Variants in TNNI3K observed in about 807,000 individuals in gnomAD.
The protein encoded by TNNI3K is TNNI3 interacting kinase.
TNNI3K carries 140 observed loss-of-function variants against 114.5 expected under a neutral mutation model. The ratio of observed to expected loss-of-function variants is 1.22; its 90% CI spans 1.07 to 1.41. The LOEUF (loss-of-function observed/expected upper bound fraction) is 1.41, where lower values mean the gene tolerates loss of function less well. Among genes scored for constraint, TNNI3K ranks in the 40% most tolerant of loss-of-function variants. The pLI is 0.00. For missense variants in TNNI3K, 1,125 were observed against 1,007.6 expected (o/e 1.12, Z -1.58); for synonymous variants, 347 against 347.5 (o/e 1.00, Z 0.02).
At chr1:74,368,980 G>T (rs780130618) in intron 13 of TNNI3K, 42 bp from the exon 14 acceptor site, 1 of 1,533,912 alleles carries the variant, frequency 6.5e-7, no homozygotes, top group Non-Finnish European at 8.9e-7. Context: ...CCATGTGTGT[G>T]GTTTTTACCT....
intron 23 of TNNI3K, among the ~76,000 whole-genome samples, chr1:74,515,702 T>C (rs1646339546): frequency 6.6e-6 from 1 of 152,160 alleles, no homozygotes; most frequent in Non-Finnish European, 1.5e-5. Context: ...GGATGGAGAC[T>C]GAACACTGAT....
intron 23 of TNNI3K, among the ~76,000 whole-genome samples, chr1:74,500,993 T>G (rs190332093): frequency 1.3e-5 from 2 of 152,318 alleles, no homozygotes; most frequent in Admixed American, 1.3e-4. Flanking sequence ...TTTCCAGAAT[T>G]TGAAAATTGA....
intron 17 of TNNI3K, among the ~76,000 whole-genome samples, chr1:74,378,282 A>G (rs899921741): frequency 5.3e-5 from 8 of 152,104 alleles, no homozygotes; most frequent in Middle Eastern, 6.8e-3. Context: ...ACTAAGCTAT[A>G]TAATTTATTA....
At chr1:74,362,623 CT>C (rs1348706152) in intron 11 of TNNI3K, among the ~76,000 whole-genome samples, 1 of 152,080 alleles carries the variant, frequency 6.6e-6, no homozygotes, top group East Asian at 1.9e-4. Flanking sequence ...TATAAAGCAT[CT>C]ATTGTATATA....
At chr1:74,335,689 G>T (rs554769290) in intron 6 of TNNI3K, among the ~76,000 whole-genome samples, 1 of 152,130 alleles carries the variant, frequency 6.6e-6, no homozygotes, top group African/African-American at 2.4e-5. Context: ...AAAAATGGTC[G>T]CTTGTTCCAA....
At chr1:74,492,500 C>T (rs564537907) in intron 23 of TNNI3K, among the ~76,000 whole-genome samples, 2 of 152,080 alleles carry the variant, frequency 1.3e-5, no homozygotes, top group East Asian at 1.9e-4. Flanking sequence ...AAGTAAGACA[C>T]GTCTATTTCA....
At chr1:74,305,048 G>A (rs1043877168) in intron 5 of TNNI3K, among the ~76,000 whole-genome samples, 1 of 152,070 alleles carries the variant, frequency 6.6e-6, no homozygotes, top group Non-Finnish European at 1.5e-5. Flanking sequence ...AGATATAATG[G>A]AATTTAAAAT....
At chr1:74,399,533 C>A (rs533636185) in intron 17 of TNNI3K, among the ~76,000 whole-genome samples, 1 of 151,974 alleles carries the variant, frequency 6.6e-6, no homozygotes, top group East Asian at 2.0e-4. Flanking sequence ...CTTTCAAGTG[C>A]TCCTGATCAC....
At chr1:74,372,673 A>G (rs1662676398) in intron 17 of TNNI3K, 1 of 151,830 alleles carries the variant, frequency 6.6e-6, no homozygotes, top group East Asian at 1.9e-4. Flanking sequence ...ACATTTTTGC[A>G]CATGGTATTA....
chr1:74,481,042 GAATC>G, intron 21 of TNNI3K: 1 of 628,360 alleles, frequency 1.6e-6, no homozygotes, highest in Non-Finnish European at 2.9e-6. Context: ...GGAGAGCAGA[GAATC>G]AATATCCTCT....
rs1382718364 is a variant in TNNI3K at position 74,463,470 on chromosome 1, C to T, written c.2041C>T (p.His681Tyr). Reference protein sequence around the residue: ...AAAAADMAYHHIRPPIGYSIP... With the variant: ...AAAAADMAYHYIRPPIGYSIP... ...TGCGGCAGCAGACATGGCTTACCAC[C>T]ACATCAGACCTCCCATTGGCTATTC... Residue 681 changes from histidine (H) to tyrosine (Y), a missense_variant, in exon 21 of 25, where the codon CAC (histidine) becomes TAC (tyrosine). His to Tyr is a moderately conservative substitution (Grantham distance 83). Transcript: ENST00000326637. 6.2e-7 allele frequency: 1 copy of T among 1,614,194 alleles called. No individual in the cohort carries two copies. Among genetic ancestry groups the T allele is most frequent in the Non-Finnish European group, 8.5e-7 (1 of 1,180,034 alleles).
Position 74,403,421 on chromosome 1 carries a change from G to A in TNNI3K, c.1773-32659G>A, listed in dbSNP as rs149777330. On this transcript the variant is annotated intron_variant, in intron 17 of 24. Transcript: ENST00000326637. ...TTGTTCCAAATTTTCTAGTTCTGAAGTAACATTTGTTCTCTCCCGTGTTAC... is the reference window on the plus strand; with the variant it reads ...TTGTTCCAAATTTTCTAGTTCTGAAATAACATTTGTTCTCTCCCGTGTTAC... Among the ~76,000 whole-genome samples, 559 of 152,184 alleles carry A rather than the reference G, an allele frequency of 3.7e-3. 3 individuals carry two copies. The highest frequency in any genetic ancestry group is 0.011 in the African/African-American group (444 of 41,530).
At chr1:74,389,144 A>G (rs1663635323) in intron 17 of TNNI3K, among the ~76,000 whole-genome samples, 1 of 152,212 alleles carries the variant, frequency 6.6e-6, no homozygotes, top group Admixed American at 6.5e-5. Flanking sequence ...GCCATAGGTC[A>G]GGAGGAAATT....
intron 20 of TNNI3K, among the ~76,000 whole-genome samples, chr1:74,455,753 C>T (rs1458938897): frequency 6.6e-6 from 1 of 152,168 alleles, no homozygotes; most frequent in African/African-American, 2.4e-5. Context: ...GAAAAGAGAG[C>T]TAATTCACCC....
chr1:74,298,743 A>C (rs540261192), intron 5 of TNNI3K, among the ~76,000 whole-genome samples: 2 of 152,220 alleles, frequency 1.3e-5, no homozygotes, highest in South Asian at 4.1e-4. Flanking sequence ...GCATCACGGA[A>C]TAATATTGTG....
rs555676435 is a variant in TNNI3K at position 74,287,443 on chromosome 1, A to G, written c.444+15735A>G. On this transcript the variant is annotated intron_variant, in intron 5 of 24. Transcript: ENST00000326637. ...ATTCTCAGAAATCAAAGACAGAGAA[A>G]GAATTTTGAAAGCACCATGAGAAAA... Among the ~76,000 whole-genome samples, 16 of 152,320 alleles carry G rather than the reference A, an allele frequency of 1.1e-4. No individual in the cohort carries two copies. In the East Asian group the frequency reaches 3.1e-3, roughly 29 times the overall value.
chr1:74,370,136 A>C, intron 16 of TNNI3K, 152 bp from the exon 17 acceptor site: 1 of 530,698 alleles, frequency 1.9e-6, no homozygotes. Context: ...CTGATGTAGG[A>C]AAGCTATTCA....
intron 5 of TNNI3K, among the ~76,000 whole-genome samples, chr1:74,307,373 A>C (rs1055234269): frequency 6.6e-6 from 1 of 152,180 alleles, no homozygotes; most frequent in African/African-American, 2.4e-5. Context: ...TGCTATATTC[A>C]AGAGACCCAT....
intron 21 of TNNI3K, among the ~76,000 whole-genome samples, chr1:74,481,312 T>A (rs977335449): frequency 6.6e-6 from 1 of 152,188 alleles, no homozygotes; most frequent in African/African-American, 2.4e-5. Context: ...CGAGGCTATG[T>A]ACTGACCTGA....
Sources: gnomAD v4.1 joint callset for allele counts (sites outside exome capture counted in the v4.1 genomes callset) on GRCh38, gnomAD v4.1.1 for gene constraint, MANE v1.5 for transcripts, NCBI Gene and HGNC (gene_info 2026-07-23, HGNC 2026-07-21) for gene names.